The following HRH3 variants were observed in gnomAD, a reference collection of about 807,000 sequenced individuals.
HRH3 encodes histamine H3 receptor.
HRH3 carries 13 observed loss-of-function variants against 21.6 expected under a neutral mutation model. The ratio of observed to expected loss-of-function variants is 0.60; its 90% CI spans 0.39 to 0.96. The LOEUF (loss-of-function observed/expected upper bound fraction) is 0.96, where lower values mean the gene tolerates loss of function less well. Ranked by LOEUF, HRH3 falls within the 40% of genes least tolerant of loss-of-function variation. The probability of loss-of-function intolerance (pLI) is 0.00; values close to 1 mark genes in which losing one functional copy is unlikely to be tolerated. For synonymous variants in HRH3, 276 were observed against 290.3 expected (o/e 0.95, Z 0.50); for missense variants, 461 against 622.7 (o/e 0.74, Z 2.76).
At position 62,215,870 on chromosome 20, in the gene HRH3, C is replaced by G. The variant is rs1166956154; in HGVS notation, c.*136G>C. ...GGCGCCTCCATGGCAGGGTGGCTGC[C>G]GTGGCATTAAGAGAGGGCCACAGAC... On this transcript the variant is annotated 3_prime_UTR_variant, in exon 3 of 3. Transcript: ENST00000340177. 3.5e-6 allele frequency: 3 copies of G among 857,628 alleles called. No individual in the cohort carries two copies. The highest frequency in any genetic ancestry group is 5.2e-6 in the Non-Finnish European group (3 of 574,066). The allele number at this position is 857,628 out of a possible 1,614,324, so 53.1% of individuals were successfully genotyped here. A position where few individuals can be genotyped will look rare whatever the true frequency, so the allele number is the denominator to read the frequency against.
Position 62,218,319 on chromosome 20 carries a change from G to A in HRH3, c.417+172C>T, listed in dbSNP as rs1232463387. ...CCAGGTCAGTCTGGCTGCAGCCATG[G>A]CCCCGAGTGGGCAGCTGGCCGTCGA... On this transcript the variant is annotated intron_variant, in intron 2 of 2. Transcript: ENST00000340177. The surrounding 1 kb of genome is among the most constrained non-coding windows in gnomAD (Gnocchi z 5.6). 6.6e-6 allele frequency among the ~76,000 whole-genome samples: 1 copy of A among 152,222 alleles called. No homozygotes were observed. Among genetic ancestry groups the A allele is most frequent in the African/African-American group, 2.4e-5 (1 of 41,462 alleles).
chr20:62,218,539 G>A lies in HRH3; in HGVS notation c.369C>T (p.Phe123=), dbSNP rs201980986. Residue 123 remains phenylalanine, a synonymous_variant, in exon 2 of 3, where the codon TTC becomes TTT. Transcript: ENST00000340177. The surrounding 1 kb of genome is among the most constrained non-coding windows in gnomAD (Gnocchi z 5.6). ...VDYLLCTSSA[F]NIVLISYDRF... ...GGTCGTAGCTGATGAGCACGATGTT[G>A]AAGGCAGAGGAGGTGCACAGCAGGT... The A allele has an allele frequency of 2.0e-5, 32 of 1,612,382 alleles. No individual in the cohort carries two copies. In the African/African-American group the frequency reaches 4.0e-4, roughly 20 times the overall value.
Position 62,218,361 on chromosome 20 carries a change from C to T in HRH3, c.417+130G>A. The T allele has an allele frequency of 1.9e-6, 2 of 1,070,578 alleles. No individual in the cohort carries two copies. Among genetic ancestry groups the T allele is most frequent in the Admixed American group, 2.4e-5 (1 of 41,190 alleles). 66.3% of individuals were successfully genotyped at this position (1,070,578 alleles called of 1,614,324 possible). ...GGCCGTCGAGTGGCCCATGTGTCAG[C>T]AGCAAAGCCAGTGGGACCAAGCCCA... On this transcript the variant is annotated intron_variant, in intron 2 of 2. Coordinates refer to ENST00000340177, the MANE Select transcript of HRH3 (RefSeq NM_007232.3). The surrounding 1 kb of genome is among the most constrained non-coding windows in gnomAD (Gnocchi z 5.6).
chr20:62,216,789 C>T lies in HRH3; in HGVS notation c.555G>A (p.Glu185=), dbSNP rs1298201528. Residue 185 remains glutamate, a synonymous_variant, in exon 3 of 3, where the codon GAG becomes GAA. Transcript: ENST00000340177. ...AGAAGAACTCGGCATAGCAGTGGCC[C>T]TCGGGGATGGAGCTGCCCCCGGACA... The part of the protein sequence containing the change: ...EYLSGGSSIP[E]GHCYAEFFYN... 1.9e-6 allele frequency: 3 copies of T among 1,613,072 alleles called. No individual in the cohort carries two copies. Among genetic ancestry groups the T allele is most frequent in the East Asian group, 2.2e-5 (1 of 44,878 alleles).
In HRH3 at chr20:62,219,612, T is replaced by G; in HGVS notation, c.250+109A>C. The G allele has an allele frequency of 7.2e-7, 1 of 1,379,992 alleles. No homozygotes were observed. Among genetic ancestry groups the G allele is most frequent in the Non-Finnish European group, 9.7e-7 (1 of 1,034,558 alleles). 85.5% of individuals were successfully genotyped at this position (1,379,992 alleles called of 1,614,324 possible). The stretch of plus-strand genomic sequence containing the variant: ...CGCCCCCTTCCCAGGCCGGGTCCCC[T>G]GGTGGGGCGTGTGCCTGCGGGAGCC... On this transcript the variant is annotated intron_variant, in intron 1 of 2. Transcript: ENST00000340177. The surrounding 1 kb of genome is among the most constrained non-coding windows in gnomAD (Gnocchi z 8.7).
chr20:62,217,697 G>C (rs1978636484), intron 2 of HRH3, among the ~76,000 whole-genome samples: 1 of 152,090 alleles, frequency 6.6e-6, no homozygotes, highest in African/African-American at 2.4e-5. Flanking sequence ...TGGGAGCAAT[G>C]TTCACAGCTA....
Position 62,220,048 on chromosome 20 carries a change from C to T in HRH3, c.-78G>A. The stretch of plus-strand genomic sequence containing the variant: ...GCTGGGCGGCCGGGAGGGGCCCCGG[C>T]CCGGGAGCCTCGTCTTTGCGGGCCC... On this transcript the variant is annotated 5_prime_UTR_variant, in exon 1 of 3. Transcript: ENST00000340177. 3.1e-6 allele frequency: 3 copies of T among 980,760 alleles called. No individual in the cohort carries two copies. Among genetic ancestry groups the T allele is most frequent in the Non-Finnish European group, 3.6e-6 (3 of 826,762 alleles). The allele number at this position is 980,760 out of a possible 1,614,324, so 60.8% of individuals were successfully genotyped here.
chr20:62,215,952 C>T lies in HRH3; in HGVS notation c.*54G>A. On this transcript the variant is annotated 3_prime_UTR_variant, in exon 3 of 3. Coordinates refer to ENST00000340177, the MANE Select transcript of HRH3 (RefSeq NM_007232.3). ...GGGTAGGGGGCAGCAGGGCCAGATGCCCAGGAGACCTGGGCTGAGAGAGGC... is the reference window on the plus strand; with the variant it reads ...GGGTAGGGGGCAGCAGGGCCAGATGTCCAGGAGACCTGGGCTGAGAGAGGC... 2.7e-6 allele frequency: 4 copies of T among 1,483,170 alleles called. No individual in the cohort carries two copies. Among genetic ancestry groups the T allele is most frequent in the Non-Finnish European group, 2.7e-6 (3 of 1,108,014 alleles). The allele number at this position is 1,483,170 out of a possible 1,614,324, so 91.9% of individuals were successfully genotyped here.
rs2145886544 is a variant in HRH3, at chr20:62,215,931, A to G, written c.*75T>C. 1 of 1,359,606 alleles carries G rather than the reference A, an allele frequency of 7.4e-7. No homozygotes were observed. Among genetic ancestry groups the G allele is most frequent in the Non-Finnish European group, 9.9e-7 (1 of 1,011,004 alleles). 84.2% of individuals were successfully genotyped at this position (1,359,606 alleles called of 1,614,324 possible). ...TCACCCCTGGGGGAACGAGCCGGGT[A>G]GGGGGCAGCAGGGCCAGATGCCCAG... On this transcript the variant is annotated 3_prime_UTR_variant, in exon 3 of 3. Coordinates refer to ENST00000340177, the MANE Select transcript of HRH3 (RefSeq NM_007232.3).
In HRH3 at chr20:62,216,393, C is replaced by T. The variant is rs1188017651; in HGVS notation, c.951G>A (p.Pro317=). 12 of 1,548,600 alleles carry T rather than the reference C, an allele frequency of 7.7e-6. No homozygotes were observed. The highest frequency in any genetic ancestry group is 7.3e-5 in the East Asian group (3 of 41,112). Residue 317 remains proline (P), a synonymous_variant, in exon 3 of 3, where the codon CCG becomes CCA. Coordinates refer to ENST00000340177, the MANE Select transcript of HRH3 (RefSeq NM_007232.3). The part of the protein sequence containing the change: ...SGSSSRGTER[P]RSLKRGSKPS... ...GCTTGGAGCCCCTCTTGAGTGAGCG[C>T]GGCCTCTCAGTGCCCCTCGAGGAGC... is the stretch of plus-strand genomic sequence containing the variant.
Position 62,215,223 on chromosome 20 carries a change from G to A in HRH3, c.*783C>T, listed in dbSNP as rs967299829. 5.3e-5 allele frequency: 22 copies of A among 417,206 alleles called. No homozygotes were observed. The highest frequency in any genetic ancestry group is 4.3e-4 in the African/African-American group (21 of 49,374). The allele number at this position is 417,206 out of a possible 1,614,324, so 25.8% of individuals were successfully genotyped here. ...GGCAGGCTTGGCCACCAGGGCTGGT[G>A]TGAGCCCAGAGGCGGGGTGGGCAGA... On this transcript the variant is annotated 3_prime_UTR_variant, in exon 3 of 3. Coordinates refer to ENST00000340177, the MANE Select transcript of HRH3 (RefSeq NM_007232.3).
In HRH3 at chr20:62,216,863, C is replaced by T; in HGVS notation, c.481G>A (p.Val161Met). 2 of 1,612,584 alleles carry T rather than the reference C, an allele frequency of 1.2e-6. No homozygotes were observed. The highest frequency in any genetic ancestry group is 1.7e-6 in the Non-Finnish European group (2 of 1,179,882). ...RAVRKMLLVWVLAFLLYGPAI... is the reference protein window; with the variant it reads ...RAVRKMLLVWMLAFLLYGPAI... ...GGTCCGTACAGCAGGAAGGCCAGCACCCACACCAGCAGCATCTTCCGCACT... is the reference window on the plus strand; with the variant it reads ...GGTCCGTACAGCAGGAAGGCCAGCATCCACACCAGCAGCATCTTCCGCACT... The change falls in exon 3 of 3, where the codon GTG becomes ATG. Residue 161 changes from valine to methionine, a missense_variant. Val to Met is a conservative substitution (Grantham distance 21). Coordinates refer to ENST00000340177, the MANE Select transcript of HRH3 (RefSeq NM_007232.3).
Position 62,218,648 on chromosome 20 carries a change from C to T in HRH3, c.260G>A (p.Cys87Tyr). ...CACGTAGGGTACATACAGTGGGATG[C>T]AGAAGGCGCCTGTGGGGAGTAGGGC... Reference protein sequence around the residue: ...AISDFLVGAFCIPLYVPYVLT... With the variant: ...AISDFLVGAFYIPLYVPYVLT... Residue 87 changes from cysteine (C) to tyrosine (Y), a missense_variant, in exon 2 of 3, where the codon TGC becomes TAC. Physicochemically the swap from Cys to Tyr is radical, Grantham distance 194. Around this residue, in one of 6 missense-constraint regions of HRH3, gnomAD observed 102 missense variants for 155.6 expected, o/e 0.66. Coordinates refer to ENST00000340177, the MANE Select transcript of HRH3 (RefSeq NM_007232.3). The surrounding 1 kb of genome is among the most constrained non-coding windows in gnomAD (Gnocchi z 5.6). 6.2e-7 allele frequency: 1 copy of T among 1,611,680 alleles called. No individual in the cohort carries two copies.
In HRH3 at chr20:62,218,788, C is replaced by T. The variant is rs1978686738; in HGVS notation, c.251-131G>A. 1 of 799,240 alleles carries T rather than the reference C, an allele frequency of 1.3e-6. No homozygotes were observed. Among genetic ancestry groups the T allele is most frequent in the Admixed American group, 2.6e-5 (1 of 38,450 alleles). 49.5% of individuals were successfully genotyped at this position (799,240 alleles called of 1,614,324 possible). ...TCTGGAACTAGCCATCCTCATCTTA[C>T]CACCCCTCCACCTGGTGTCAGCCAC... On this transcript the variant is annotated intron_variant, in intron 1 of 2. Coordinates refer to ENST00000340177, the MANE Select transcript of HRH3 (RefSeq NM_007232.3). The surrounding 1 kb of genome is among the most constrained non-coding windows in gnomAD (Gnocchi z 5.6).
chr20:62,216,611 G>A lies in HRH3; in HGVS notation c.733C>T (p.Pro245Ser), dbSNP rs536857841. The change falls in exon 3 of 3, where the codon CCT (proline) becomes TCT (serine). Residue 245 changes from proline (P) to serine (S), a missense_variant. By Grantham distance (74) the Pro-to-Ser change is moderately conservative. Around this residue, in one of 6 missense-constraint regions of HRH3, gnomAD observed 163 missense variants for 139.4 expected, o/e 1.17. Transcript: ENST00000340177. ...GGTGGTGAGGGCTGGGCCTCGGGAG[G>A]GGGCTCGGGGCCGGCTGCCTCTCGA... The part of the protein sequence containing the change: ...GAREAAGPEP[P>S]PEAQPSPPPP... The A allele has an allele frequency of 1.9e-6, 3 of 1,610,254 alleles. No individual in the cohort carries two copies. Among genetic ancestry groups the A allele is most frequent in the Admixed American group, 1.7e-5 (1 of 59,750 alleles).
At chr20:62,217,471 C>T (rs1454103956) in intron 2 of HRH3, among the ~76,000 whole-genome samples, 2 of 152,234 alleles carry the variant, frequency 1.3e-5, no homozygotes, top group Non-Finnish European at 2.9e-5. Context: ...CGCCACAGAA[C>T]AAAGCATCCC....
Position 62,218,397 on chromosome 20 carries a change from C to G in HRH3, c.417+94G>C. The G allele has an allele frequency of 7.2e-7, 1 of 1,393,080 alleles. No individual in the cohort carries two copies. The highest frequency in any genetic ancestry group is 1.3e-5 in the South Asian group (1 of 76,042). The allele number at this position is 1,393,080 out of a possible 1,614,324, so 86.3% of individuals were successfully genotyped here. A position where few individuals can be genotyped will look rare whatever the true frequency, so the allele number is the denominator to read the frequency against. On this transcript the variant is annotated intron_variant, in intron 2 of 2. Coordinates refer to ENST00000340177, the MANE Select transcript of HRH3 (RefSeq NM_007232.3). This position sits in a 1 kb window ranked among gnomAD's most constrained non-coding sequence, Gnocchi z 5.6. ...GTGGGACCAAGCCCACTTCTGCCCA[C>G]AACTCAGAAGTGGCCGTCCCCACCC...
At position 62,218,881 on chromosome 20, in the gene HRH3, G is replaced by A. The variant is rs1390655346; in HGVS notation, c.251-224C>T. On this transcript the variant is annotated intron_variant, in intron 1 of 2. Coordinates refer to ENST00000340177, the MANE Select transcript of HRH3 (RefSeq NM_007232.3). This position sits in a 1 kb window ranked among gnomAD's most constrained non-coding sequence, Gnocchi z 5.6. Reference sequence around the variant, plus strand: ...AGCACTATCTGTGTCCCCTGGGCCTGGGGGCAGGAGGGATGATCCAGGCAT... The same window carrying A: ...AGCACTATCTGTGTCCCCTGGGCCTAGGGGCAGGAGGGATGATCCAGGCAT... Among the ~76,000 whole-genome samples the A allele has an allele frequency of 6.6e-6, 1 of 151,762 alleles. No homozygotes were observed. The highest frequency in any genetic ancestry group is 1.9e-4 in the East Asian group (1 of 5,160).
chr20:62,217,060 C>T, intron 2 of HRH3, 134 bp from the exon 3 acceptor site: 3 of 880,666 alleles, frequency 3.4e-6, no homozygotes, highest in East Asian at 2.7e-5. Context: ...GTCCTCCCTC[C>T]CTCCCTCTTT....
Sources: gnomAD v4.1 joint callset for allele counts (sites outside exome capture counted in the v4.1 genomes callset) on GRCh38, gnomAD v4.1.1 for gene constraint, gnomAD v4.1.1 regional missense constraint, Gnocchi (gnomAD v3.1) non-coding constraint, MANE v1.5 for transcripts, NCBI Gene and HGNC (gene_info 2026-07-23, HGNC 2026-07-21) for gene names.